Variants in STAC observed in about 807,000 individuals in gnomAD.
STAC encodes SH3 and cysteine rich domain.
A neutral mutation model predicts 48.8 loss-of-function variants in STAC; 43 were observed. That is an observed-to-expected ratio of 0.88 (90% CI 0.69 to 1.14). The LOEUF is 1.14. Ranked by LOEUF, STAC falls within the 50% of genes most tolerant of loss-of-function variation. The pLI is 0.00. For synonymous variants in STAC, 193 were observed against 179.5 expected (o/e 1.07, Z -0.60); for missense variants, 497 against 504.0 (o/e 0.99, Z 0.13).
At chr3:36,422,043 G>A (rs1575188107) in intron 1 of STAC, among the ~76,000 whole-genome samples, 1 of 151,898 alleles carries the variant, frequency 6.6e-6, no homozygotes, top group African/African-American at 2.4e-5. Flanking sequence ...TACTACCTGA[G>A]TGTTATGATC....
intron 1 of STAC, among the ~76,000 whole-genome samples, chr3:36,394,379 G>C (rs774446660): frequency 1.3e-5 from 2 of 152,164 alleles, no homozygotes; most frequent in Non-Finnish European, 1.5e-5. Context: ...TTCATTGTCT[G>C]TGCTAAGGAA....
chr3:36,406,371 G>A (rs1559479842), intron 1 of STAC, among the ~76,000 whole-genome samples: 1 of 152,210 alleles, frequency 6.6e-6, no homozygotes, highest in African/African-American at 2.4e-5. Context: ...TCTGAAGCTG[G>A]AGTGGTCCAT....
intron 10 of STAC, among the ~76,000 whole-genome samples, chr3:36,538,136 G>C (rs1699241382): frequency 6.6e-6 from 1 of 152,026 alleles, no homozygotes. Context: ...TTCATATTTT[G>C]ATATCATATC....
chr3:36,505,610 ATAATGGTTAGATAACACT>A, intron 7 of STAC, 118 bp from the exon 8 acceptor site: 1 of 548,958 alleles, frequency 1.8e-6, no homozygotes, highest in Non-Finnish European at 3.2e-6. Context: ...AAAATCTTTA[ATAATGGTTAGATAACACT>A]TACGATCCAT....
At chr3:36,463,946 C>A (rs932104500) in intron 2 of STAC, among the ~76,000 whole-genome samples, 1 of 152,002 alleles carries the variant, frequency 6.6e-6, no homozygotes, top group African/African-American at 2.4e-5. Flanking sequence ...GGTTCCAAGT[C>A]TTTGCTATTG....
In STAC at chr3:36,389,760, C is replaced by T. The variant is rs1367545798; in HGVS notation, c.111+9006C>T. On this transcript the variant is annotated intron_variant, in intron 1 of 10. Transcript: ENST00000273183. ...CCCATTGTGCCAGTTTAGGATGCCA[C>T]TTAACAAGCTTTCCTGTCCCTCACT... Among the ~76,000 whole-genome samples the T allele has an allele frequency of 3.3e-5, 5 of 152,144 alleles. No individual in the cohort carries two copies. In the East Asian group the frequency reaches 7.7e-4, roughly 23 times the overall value.
chr3:36,405,401 C>T (rs865879956), intron 1 of STAC, among the ~76,000 whole-genome samples: 5 of 152,278 alleles, frequency 3.3e-5, no homozygotes, highest in Middle Eastern at 3.4e-3. Flanking sequence ...GTCACTGAGG[C>T]CAGGAGTTCC....
intron 2 of STAC, among the ~76,000 whole-genome samples, chr3:36,459,789 AAG>A (rs1375200056): frequency 6.6e-6 from 1 of 152,186 alleles, no homozygotes; most frequent in Non-Finnish European, 1.5e-5. Context: ...TAGTTGATGA[AAG>A]AGGGGGAGAA....
At chr3:36,444,614 T>C (rs1696455504) in intron 2 of STAC, among the ~76,000 whole-genome samples, 1 of 152,194 alleles carries the variant, frequency 6.6e-6, no homozygotes, top group African/African-American at 2.4e-5. Flanking sequence ...CCGAATTAAG[T>C]TATGTGGCCA....
At chr3:36,442,399 A>G (rs1696373436) in intron 1 of STAC, among the ~76,000 whole-genome samples, 1 of 152,190 alleles carries the variant, frequency 6.6e-6, no homozygotes, top group African/African-American at 2.4e-5. Context: ...TTGCTGGGTG[A>G]AAAGAAAAAC....
intron 2 of STAC, among the ~76,000 whole-genome samples, chr3:36,450,720 T>C (rs903210743): frequency 6.6e-6 from 1 of 152,144 alleles, no homozygotes; most frequent in Non-Finnish European, 1.5e-5. Context: ...GAGATGGGTT[T>C]CACCATGTTG....
At chr3:36,450,728 T>C (rs1414066193) in intron 2 of STAC, among the ~76,000 whole-genome samples, 2 of 152,200 alleles carry the variant, frequency 1.3e-5, no homozygotes, top group African/African-American at 2.4e-5. Flanking sequence ...TTTCACCATG[T>C]TGGCCAGGCT....
intron 1 of STAC, among the ~76,000 whole-genome samples, chr3:36,384,306 A>G (rs917642354): frequency 1.3e-5 from 2 of 152,048 alleles, no homozygotes; most frequent in African/African-American, 4.8e-5. Context: ...GAGGAATCAC[A>G]CCTCAATATC....
At chr3:36,515,280 C>T (rs893891769) in intron 8 of STAC, among the ~76,000 whole-genome samples, 3 of 152,102 alleles carry the variant, frequency 2.0e-5, no homozygotes, top group Non-Finnish European at 4.4e-5. Flanking sequence ...TTTACTGAAG[C>T]TCTCACAGCT....
chr3:36,403,569 A>G (rs1700038028), intron 1 of STAC, among the ~76,000 whole-genome samples: 1 of 152,164 alleles, frequency 6.6e-6, no homozygotes, highest in Non-Finnish European at 1.5e-5. Flanking sequence ...AAAGTAAAAT[A>G]GAAGTGCCAC....
chr3:36,398,320 C>CAAGAAAGCAAGAAAGCAAGAAAGA (rs1208055608), intron 1 of STAC, among the ~76,000 whole-genome samples: 24 of 82,168 alleles, frequency 2.9e-4, no homozygotes, highest in Admixed American at 6.8e-4. Context: ...AGAAAGAAAG[C>CAAGAAAGCAAGAAAGCAAGAAAGA]AAGAAAGAAA....
intron 2 of STAC, among the ~76,000 whole-genome samples, chr3:36,478,644 G>C (rs763428886): frequency 6.6e-6 from 1 of 152,210 alleles, no homozygotes; most frequent in African/African-American, 2.4e-5. Flanking sequence ...ACAGGCACAC[G>C]TAACGATGCC....
intron 2 of STAC, among the ~76,000 whole-genome samples, chr3:36,463,510 CTTTT>C (rs11288570): frequency 1.4e-5 from 2 of 144,752 alleles, no homozygotes; most frequent in African/African-American, 5.1e-5. Flanking sequence ...GGTAGTTTTT[CTTTT>C]TTTTTTTAAT....
chr3:36,410,770 G>T (rs759457382), intron 1 of STAC, among the ~76,000 whole-genome samples: 3 of 152,148 alleles, frequency 2.0e-5, no homozygotes, highest in African/African-American at 7.2e-5. Flanking sequence ...ACATCTGAGG[G>T]TGTTTGTAAT....
Sources: allele counts gnomAD v4.1 joint callset (sites outside exome capture counted in the v4.1 genomes callset), GRCh38; gene constraint gnomAD v4.1.1; transcripts MANE v1.5; gene names NCBI Gene and HGNC (gene_info 2026-07-23, HGNC 2026-07-21).